The following LDAH variants were observed in gnomAD, a reference collection of about 807,000 sequenced individuals.
LDAH encodes the protein lipid droplet associated hydrolase, also known as lipid droplet-associated hydrolase.
In LDAH, 26 loss-of-function variants were observed where a neutral mutation model predicts 29.6. The ratio of observed to expected loss-of-function variants is 0.88; its 90% CI spans 0.64 to 1.22. LDAH has a LOEUF of 1.22. LDAH is among the 50% of genes most tolerant of loss of function. The probability of loss-of-function intolerance (pLI) is 0.00; values close to 1 mark genes in which losing one functional copy is unlikely to be tolerated. For missense variants in LDAH, 344 were observed against 387.3 expected, an observed-to-expected ratio of 0.89 and a Z score of 0.94; for synonymous variants, 117 against 133.0, an observed-to-expected ratio of 0.88 and a Z score of 0.83.
chr2:20,740,151 TGG>T lies in LDAH; in HGVS notation c.521_522del (p.Pro174GlnfsTer29). On this transcript the variant is annotated frameshift_variant, in exon 5 of 7. Coordinates refer to ENST00000237822, the MANE Select transcript of LDAH (RefSeq NM_021925.4). LOFTEE classifies it high-confidence loss of function. ...FPTIERMSES[P>X]NGRIATPLLC... The stretch of plus-strand genomic sequence containing the variant: ...AAAAGTGGAGTGGCAATTCTGCCAT[TGG>T]GTGACTCAGACATTCGTTCAATTGT... 1 of 1,614,126 alleles carries T rather than the reference TGG, an allele frequency of 6.2e-7. No homozygotes were observed. The highest frequency in any genetic ancestry group is 8.5e-7 in the Non-Finnish European group (1 of 1,179,988).
intron 4 of LDAH, among the ~76,000 whole-genome samples, chr2:20,748,114 TAAG>T (rs1667704015): frequency 6.6e-6 from 1 of 152,202 alleles, no homozygotes; most frequent in Non-Finnish European, 1.5e-5. Context: ...ATCCATATCC[TAAG>T]AAGTAAAGCA....
At chr2:20,770,472 A>G (rs1669335482) in intron 4 of LDAH, among the ~76,000 whole-genome samples, 1 of 152,222 alleles carries the variant, frequency 6.6e-6, no homozygotes, top group Non-Finnish European at 1.5e-5. Flanking sequence ...CTTTCAACTC[A>G]ACTCCCAAAC....
intron 5 of LDAH, among the ~76,000 whole-genome samples, chr2:20,729,413 A>G (rs563726302): frequency 6.6e-6 from 1 of 152,382 alleles, no homozygotes; most frequent in Admixed American, 6.5e-5. Context: ...CTTTTCATAT[A>G]TAAATTTAAA....
At chr2:20,787,532 G>A (rs1356513325) in intron 3 of LDAH, among the ~76,000 whole-genome samples, 1 of 152,084 alleles carries the variant, frequency 6.6e-6, no homozygotes, top group Non-Finnish European at 1.5e-5. Flanking sequence ...GGCCTCACAT[G>A]ATCTGCCTGC....
chr2:20,788,336 A>G (rs941445695), intron 3 of LDAH, among the ~76,000 whole-genome samples: 2 of 152,208 alleles, frequency 1.3e-5, no homozygotes, highest in African/African-American at 4.8e-5. Flanking sequence ...TTCAGAAAGT[A>G]TTCAGAGGAG....
At position 20,709,374 on chromosome 2, in the gene LDAH, T is replaced by G. The variant is rs147176328; in HGVS notation, c.704-7722A>C. 2.3e-3 allele frequency among the ~76,000 whole-genome samples: 348 copies of G among 152,296 alleles called. 2 individuals are homozygous for G. The highest frequency in any genetic ancestry group is 6.6e-3 in the African/African-American group (275 of 41,580). On this transcript the variant is annotated intron_variant, in intron 5 of 6. Transcript: ENST00000237822. The stretch of plus-strand genomic sequence containing the variant: ...TCTCAAGCATTTCAGATAAGGGATA[T>G]TCAATCTGTACAAATGGCCAATAAG...
chr2:20,687,135 C>A, intron 6 of LDAH, 41 bp from the exon 7 acceptor site: 1 of 1,537,010 alleles, frequency 6.5e-7, no homozygotes, highest in South Asian at 1.2e-5. Context: ...AAAACACGTT[C>A]CCTTCCTGAC....
chr2:20,736,229 G>C (rs1007657231), intron 5 of LDAH, among the ~76,000 whole-genome samples: 2 of 152,250 alleles, frequency 1.3e-5, no homozygotes, highest in Admixed American at 1.3e-4. Context: ...ATCACCTGAG[G>C]TTAGGAGGTT....
chr2:20,803,004 T>C (rs1671811385), intron 1 of LDAH, among the ~76,000 whole-genome samples: 1 of 152,188 alleles, frequency 6.6e-6, no homozygotes, highest in Admixed American at 6.5e-5. Flanking sequence ...TGCTGTGAGA[T>C]TTCTCTATTG....
intron 2 of LDAH, among the ~76,000 whole-genome samples, chr2:20,797,776 A>AAAAAG (rs900332857): frequency 6.6e-6 from 1 of 152,228 alleles, no homozygotes; most frequent in African/African-American, 2.4e-5. Flanking sequence ...TGCAAAAACA[A>AAAAAG]AAAAGAAAAG....
At chr2:20,766,246 C>T (rs547759092) in intron 4 of LDAH, among the ~76,000 whole-genome samples, 5 of 152,128 alleles carry the variant, frequency 3.3e-5, no homozygotes, top group Non-Finnish European at 7.3e-5. Context: ...TTTAAAAACA[C>T]TGTTTCATTG....
At chr2:20,813,003 C>A (rs1207382058) in intron 1 of LDAH, among the ~76,000 whole-genome samples, 1 of 152,112 alleles carries the variant, frequency 6.6e-6, no homozygotes, top group East Asian at 1.9e-4. Flanking sequence ...AGTCACACAG[C>A]TAGTAAGTTG....
In LDAH at chr2:20,684,983, G is replaced by C; in HGVS notation, c.*1920C>G. On this transcript the variant is annotated 3_prime_UTR_variant, in exon 7 of 7. Coordinates refer to ENST00000237822, the MANE Select transcript of LDAH (RefSeq NM_021925.4). ...CTTTAAAAGAGAGACTTTGAGCCGA[G>C]TCTAACTCAGGAGAACTGCTCAAAT... is the stretch of plus-strand genomic sequence containing the variant. 1 of 1,545,284 alleles carries C rather than the reference G, an allele frequency of 6.5e-7. No homozygotes were observed. The highest frequency in any genetic ancestry group is 2.0e-5 in the Admixed American group (1 of 50,384).
intron 1 of LDAH, among the ~76,000 whole-genome samples, chr2:20,818,274 A>G (rs1222037856): frequency 6.6e-6 from 1 of 152,152 alleles, no homozygotes; most frequent in African/African-American, 2.4e-5. Flanking sequence ...CTCTCAAAAC[A>G]AAAAGGTTTT....
chr2:20,685,895 A>G lies in LDAH; in HGVS notation c.*1008T>C, dbSNP rs1221996297. On this transcript the variant is annotated 3_prime_UTR_variant, in exon 7 of 7. Coordinates refer to ENST00000237822, the MANE Select transcript of LDAH (RefSeq NM_021925.4). ...TCCAGCAAATGAAGTTAATGCAGAA[A>G]TGGAGAGTTAATGTATGGCAATGTT... 2 of 437,472 alleles carry G rather than the reference A, an allele frequency of 4.6e-6. No individual in the cohort carries two copies. Among genetic ancestry groups the G allele is most frequent in the Non-Finnish European group, 8.0e-6 (2 of 251,324 alleles). The allele number at this position is 437,472 out of a possible 1,614,324, so 27.1% of individuals were successfully genotyped here.
intron 2 of LDAH, among the ~76,000 whole-genome samples, chr2:20,794,484 T>C (rs866559428): frequency 2.0e-5 from 3 of 152,080 alleles, no homozygotes; most frequent in Middle Eastern, 3.2e-3. Context: ...TGAACAAAGA[T>C]GGAAAAATTC....
intron 6 of LDAH, among the ~76,000 whole-genome samples, chr2:20,690,052 A>C (rs1662882698): frequency 6.6e-6 from 1 of 152,214 alleles, no homozygotes; most frequent in South Asian, 2.1e-4. Context: ...AGAACGTACC[A>C]TTTACTTTTC....
rs182402782 is a variant in LDAH at position 20,811,461 on chromosome 2, A to G, written c.-2-9996T>C. ...TCTGGTGGATTTAAAAGGCAGAGGG[A>G]CTGGATTAACTGGATTAAACTAGTT... On this transcript the variant is annotated intron_variant, in intron 1 of 6. Transcript: ENST00000237822. Among the ~76,000 whole-genome samples the G allele has an allele frequency of 2.0e-3, 308 of 151,086 alleles. 3 individuals are homozygous for G. Among genetic ancestry groups the G allele is most frequent in the South Asian group, 4.8e-3 (23 of 4,798 alleles).
At chr2:20,815,973 C>A (rs1214941991) in intron 1 of LDAH, among the ~76,000 whole-genome samples, 2 of 151,902 alleles carry the variant, frequency 1.3e-5, no homozygotes, top group African/African-American at 4.8e-5. Flanking sequence ...AGAGAAAATA[C>A]AAATATTAAA....
Sources: allele counts gnomAD v4.1 joint callset (sites outside exome capture counted in the v4.1 genomes callset), GRCh38; gene constraint gnomAD v4.1.1; transcripts MANE v1.5; gene names NCBI Gene and HGNC (gene_info 2026-07-23, HGNC 2026-07-21).